Variants in DENND1B observed in about 807,000 individuals in gnomAD.
DENND1B encodes the protein DENN domain containing 1B.
Under a neutral mutation model 90.1 loss-of-function variants are expected in DENND1B, and 59 were observed. The observed-to-expected ratio is 0.65, with a 90% confidence interval of 0.53 to 0.81. The LOEUF is 0.81. Ranked by LOEUF, DENND1B falls within the 40% of genes least tolerant of loss-of-function variation. The probability of loss-of-function intolerance (pLI) is 0.00; values close to 1 mark genes in which losing one functional copy is unlikely to be tolerated. For synonymous variants in DENND1B, 337 were observed against 324.6 expected (o/e 1.04, Z -0.41); for missense variants, 862 against 912.6 (o/e 0.94, Z 0.71).
rs1055507121 is a variant in DENND1B at position 197,565,529 on chromosome 1, T to A, written c.1150-12417A>T. On this transcript the variant is annotated intron_variant, in intron 15 of 22. Transcript: ENST00000620048. ...TATACTTTAAGTTTTAGGGTACATGTGCACAATGTGCAGGTTAGTTACATA... is the reference window on the plus strand; with the variant it reads ...TATACTTTAAGTTTTAGGGTACATGAGCACAATGTGCAGGTTAGTTACATA... Among the ~76,000 whole-genome samples the A allele has an allele frequency of 7.9e-5, 12 of 152,096 alleles. No individual in the cohort carries two copies. The South Asian group carries it at 1.5e-3, about 18-fold the overall frequency.
intron 15 of DENND1B, among the ~76,000 whole-genome samples, chr1:197,572,462 T>G (rs529565249): frequency 1.1e-4 from 17 of 152,354 alleles, no homozygotes; most frequent in Admixed American, 3.3e-4. Flanking sequence ...GCCTACTGCC[T>G]CTATAGACTC....
At chr1:197,770,073 A>T (rs575933446) in intron 2 of DENND1B, among the ~76,000 whole-genome samples, 1 of 152,268 alleles carries the variant, frequency 6.6e-6, no homozygotes, top group Admixed American at 6.5e-5. Flanking sequence ...AGATCCTAAA[A>T]TATTAGCCAT....
At chr1:197,735,191 A>C (rs1662527470) in intron 2 of DENND1B, 2 of 1,023,036 alleles carry the variant, frequency 2.0e-6, no homozygotes, top group South Asian at 7.7e-5. Context: ...AATGGGTCCA[A>C]CATGCCTACC....
At chr1:197,713,793 T>TATTA (rs1376908590) in intron 3 of DENND1B, among the ~76,000 whole-genome samples, 20 of 20,228 alleles carry the variant, frequency 9.9e-4, no homozygotes, top group African/African-American at 3.1e-3. Context: ...TATTATAATA[T>TATTA]TATTATATTA....
chr1:197,781,532 T>C, the DENND1B span, among the ~76,000 whole-genome samples: 7 of 152,342 alleles, frequency 4.6e-5, no homozygotes, highest in African/African-American at 1.7e-4. Context: ...TCCTGGCATG[T>C]TGTCCTTTTT....
At position 197,662,689 on chromosome 1, in the gene DENND1B, G is replaced by A. The variant is rs544574722; in HGVS notation, c.297-4320C>T. On this transcript the variant is annotated intron_variant, in intron 5 of 22. Transcript: ENST00000620048. ...CCCATTAACTTGTCATTTACTTTAA[G>A]TATATCTGCTAATGTACAGTGAGCC... 5.3e-5 allele frequency among the ~76,000 whole-genome samples: 8 copies of A among 152,144 alleles called. No homozygotes were observed. The East Asian group carries it at 1.5e-3, about 29-fold the overall frequency.
chr1:197,645,655 A>G, intron 9 of DENND1B, 35 bp downstream of exon 9: 2 of 1,350,210 alleles, frequency 1.5e-6, no homozygotes, highest in South Asian at 1.7e-5. Flanking sequence ...AATTAATAAT[A>G]TAAGAATAAT....
chr1:197,696,975 G>A (rs1378272339), intron 3 of DENND1B, among the ~76,000 whole-genome samples: 1 of 150,830 alleles, frequency 6.6e-6, no homozygotes, highest in Non-Finnish European at 1.5e-5. Flanking sequence ...TGCCTTGGAG[G>A]CTCAGGAAAG....
Position 197,772,990 on chromosome 1 carries a change from T to C in DENND1B, c.18-58A>G, listed in dbSNP as rs528312834. The C allele has an allele frequency of 2.1e-5, 28 of 1,361,934 alleles. No homozygotes were observed. The South Asian group carries it at 3.1e-4, about 15-fold the overall frequency. The allele number at this position is 1,361,934 out of a possible 1,614,324, so 84.4% of individuals were successfully genotyped here. A position where few individuals can be genotyped will look rare whatever the true frequency, so the allele number is the denominator to read the frequency against. On this transcript the variant is annotated intron_variant, in intron 1 of 22. Coordinates refer to ENST00000620048, the MANE Select transcript of DENND1B (RefSeq NM_001195215.2). ...GACAAATAAACATCTCCATGAAACT[T>C]GTATTTTCTTAATTCTAAAACTAAT...
chr1:197,639,978 C>T (rs1680129732), intron 10 of DENND1B, among the ~76,000 whole-genome samples: 1 of 152,094 alleles, frequency 6.6e-6, no homozygotes, highest in Non-Finnish European at 1.5e-5. Context: ...CAAAACAGAG[C>T]TGGTAACTTA....
chr1:197,695,539 C>T (rs955628028), intron 3 of DENND1B, among the ~76,000 whole-genome samples: 2 of 150,402 alleles, frequency 1.3e-5, no homozygotes, highest in African/African-American at 4.9e-5. Context: ...TTTAGAAATA[C>T]GAGTTTATAT....
intron 2 of DENND1B, among the ~76,000 whole-genome samples, chr1:197,732,103 T>C (rs1367080671): frequency 6.6e-6 from 1 of 152,192 alleles, no homozygotes; most frequent in Non-Finnish European, 1.5e-5. Context: ...TGGCTCTTTC[T>C]TTCTCTTCAT....
intron 10 of DENND1B, among the ~76,000 whole-genome samples, chr1:197,620,694 AT>A (rs1456852880): frequency 2.0e-5 from 3 of 151,276 alleles, no homozygotes; most frequent in South Asian, 2.1e-4. Flanking sequence ...TATTATAATA[AT>A]TTTTTTGCTT....
At chr1:197,559,442 G>A (rs1671980520) in intron 15 of DENND1B, among the ~76,000 whole-genome samples, 1 of 151,468 alleles carries the variant, frequency 6.6e-6, no homozygotes, top group African/African-American at 2.4e-5. Context: ...AAGTGCTGAA[G>A]CAACACAATA....
intron 15 of DENND1B, among the ~76,000 whole-genome samples, chr1:197,581,856 C>G (rs1200303895): frequency 6.6e-6 from 1 of 152,154 alleles, no homozygotes; most frequent in African/African-American, 2.4e-5. Flanking sequence ...AGTGCCTCTT[C>G]TTGATAGAGA....
chr1:197,568,108 C>T (rs1672843176), intron 15 of DENND1B, among the ~76,000 whole-genome samples: 1 of 151,878 alleles, frequency 6.6e-6, no homozygotes. Context: ...ATGCGGAAAA[C>T]TCTAAAGACT....
chr1:197,647,249 A>T, intron 7 of DENND1B, 135 bp from the exon 8 acceptor site: 1 of 443,158 alleles, frequency 2.3e-6, no homozygotes, highest in Non-Finnish European at 4.0e-6. Flanking sequence ...TACTAATTAT[A>T]AGTATTATTT....
intron 15 of DENND1B, among the ~76,000 whole-genome samples, chr1:197,555,946 T>C (rs1158328525): frequency 2.6e-5 from 4 of 152,044 alleles, no homozygotes; most frequent in African/African-American, 9.7e-5. Context: ...AAGACATGGA[T>C]TCAACCCAGC....
intron 2 of DENND1B, among the ~76,000 whole-genome samples, chr1:197,717,728 A>C (rs1660775889): frequency 6.6e-6 from 1 of 151,942 alleles, no homozygotes; most frequent in Non-Finnish European, 1.5e-5. Flanking sequence ...GCAATATTTT[A>C]TTTTCCCAAT....
Sources: allele counts gnomAD v4.1 joint callset (sites outside exome capture counted in the v4.1 genomes callset), GRCh38; gene constraint gnomAD v4.1.1; transcripts MANE v1.5; gene names NCBI Gene and HGNC (gene_info 2026-07-23, HGNC 2026-07-21).